The following XKR3 variants were observed in gnomAD, a reference collection of about 807,000 sequenced individuals.
XKR3 encodes the protein XK-related protein 3.
Under a neutral mutation model 40.3 loss-of-function variants are expected in XKR3, and 27 were observed. The ratio of observed to expected loss-of-function variants is 0.67; its 90% CI spans 0.49 to 0.92. The LOEUF (loss-of-function observed/expected upper bound fraction) is 0.92. XKR3 is among the 40% of genes least tolerant of loss of function. The pLI, the probability that XKR3 is intolerant of heterozygous loss-of-function variation, is 0.00. For synonymous variants in XKR3, 193 were observed against 195.4 expected (o/e 0.99, Z 0.10); for missense variants, 472 against 537.6 (o/e 0.88, Z 1.21).
At position 16,819,411 on chromosome 22, in the gene XKR3, A is replaced by G. The variant is rs548895946; in HGVS notation, c.-11+5880T>C. Among the ~76,000 whole-genome samples, 65 of 152,286 alleles carry G rather than the reference A, an allele frequency of 4.3e-4. No homozygotes were observed. In the Middle Eastern group the frequency reaches 0.01, roughly 24 times the overall value. On this transcript the variant is annotated intron_variant, in intron 1 of 3. Coordinates refer to ENST00000684488, the MANE Select transcript of XKR3 (RefSeq NM_001386955.1). ...CAGTGTGGTATTTGCCTAGGGATAG[A>G]TTCATAAAAAATGTAGAAAAGGAAG...
intron 3 of XKR3, among the ~76,000 whole-genome samples, chr22:16,787,936 G>A (rs949463560): frequency 1.3e-5 from 2 of 152,114 alleles, no homozygotes. Context: ...AGATCATGCA[G>A]ACAGAAAATC....
At chr22:16,804,451 C>T (rs548155051) in intron 2 of XKR3, among the ~76,000 whole-genome samples, 2 of 152,054 alleles carry the variant, frequency 1.3e-5, no homozygotes, top group South Asian at 4.1e-4. Flanking sequence ...CAAAGCTGTC[C>T]TATGTGGGGG....
chr22:16,787,217 A>G (rs2060094372), intron 3 of XKR3, among the ~76,000 whole-genome samples: 1 of 152,190 alleles, frequency 6.6e-6, no homozygotes, highest in Non-Finnish European at 1.5e-5. Flanking sequence ...TAGAAAGTTC[A>G]TAGGATTTAT....
intron 1 of XKR3, among the ~76,000 whole-genome samples, chr22:16,810,242 T>C (rs1227286612): frequency 6.6e-6 from 1 of 152,204 alleles, no homozygotes; most frequent in Non-Finnish European, 1.5e-5. Context: ...TCGAGTTTAA[T>C]AGGCAATTTG....
chr22:16,786,145 C>T (rs1222455716), intron 3 of XKR3, among the ~76,000 whole-genome samples: 1 of 152,024 alleles, frequency 6.6e-6, no homozygotes, highest in East Asian at 1.9e-4. Context: ...GGTATGGTGA[C>T]TCATACCTGT....
intron 2 of XKR3, among the ~76,000 whole-genome samples, chr22:16,803,796 T>C (rs1169624166): frequency 6.6e-6 from 1 of 152,210 alleles, no homozygotes; most frequent in South Asian, 2.1e-4. Context: ...ATCCACCCCT[T>C]GTTTAGCATA....
At chr22:16,798,128 C>G (rs1169019044) in intron 3 of XKR3, among the ~76,000 whole-genome samples, 1 of 135,436 alleles carries the variant, frequency 7.4e-6, no homozygotes, top group Non-Finnish European at 1.6e-5. Context: ...TGCAGTGGGT[C>G]AAAATCATGC....
At chr22:16,793,949 C>T (rs1049119794) in intron 3 of XKR3, among the ~76,000 whole-genome samples, 15 of 152,260 alleles carry the variant, frequency 9.9e-5, no homozygotes, top group African/African-American at 3.6e-4. Flanking sequence ...GAAAGAATTT[C>T]AGAGCTCCAA....
At chr22:16,809,023 T>C (rs1306895521) in intron 1 of XKR3, among the ~76,000 whole-genome samples, 1 of 152,124 alleles carries the variant, frequency 6.6e-6, no homozygotes. Flanking sequence ...TTTAAAAACA[T>C]ATTAATGGGA....
intron 2 of XKR3, among the ~76,000 whole-genome samples, chr22:16,805,866 A>G (rs1282752066): frequency 3.9e-5 from 6 of 152,304 alleles, no homozygotes; most frequent in African/African-American, 1.4e-4. Context: ...ATGAAATTTT[A>G]TTCATTCGCA....
Position 16,799,815 on chromosome 22 carries a change from T to A in XKR3, c.545A>T (p.Gln182Leu), listed in dbSNP as rs2060159745. The A allele has an allele frequency of 6.2e-7, 1 of 1,614,004 alleles. No homozygotes were observed. Among genetic ancestry groups the A allele is most frequent in the African/African-American group, 1.3e-5 (1 of 74,932 alleles). Reference sequence around the variant, plus strand: ...TCGTATAGTGAGACTGATATACATCTGCAAAATTAATTGTGGAACAGAACC... The same window carrying A: ...TCGTATAGTGAGACTGATATACATCAGCAAAATTAATTGTGGAACAGAACC... ...FLGSVPQLIL[Q>L]MYISLTIREW... Residue 182 changes from glutamine to leucine, a missense_variant, in exon 3 of 4, where the codon CAG (glutamine) becomes CTG (leucine). Transcript: ENST00000684488.
In XKR3 at chr22:16,783,894, T is replaced by A; in HGVS notation, c.1105A>T (p.Thr369Ser). ...ILVFRFFGGK[T>S]LLNCCDSLIA... ...AATGAGTCACAACAATTCAGCAAAG[T>A]TTTCCCTCCAAAGAACCTAAATACC... Residue 369 changes from threonine to serine, a missense_variant, in exon 4 of 4, where the codon ACT becomes TCT. Physicochemically the swap from Thr to Ser is moderately conservative, Grantham distance 58. Transcript: ENST00000684488. 6.2e-7 allele frequency: 1 copy of A among 1,614,124 alleles called. No homozygotes were observed. The highest frequency in any genetic ancestry group is 8.5e-7 in the Non-Finnish European group (1 of 1,180,026).
chr22:16,814,132 G>T (rs1345170768), intron 1 of XKR3, among the ~76,000 whole-genome samples: 3 of 152,114 alleles, frequency 2.0e-5, no homozygotes, highest in Admixed American at 1.3e-4. Context: ...AAAGATTAAC[G>T]TCTACCTTTT....
intron 2 of XKR3, among the ~76,000 whole-genome samples, chr22:16,804,950 C>T (rs185742621): frequency 6.6e-4 from 100 of 152,266 alleles, no homozygotes; most frequent in African/African-American, 1.9e-3. Context: ...GAATAAATCC[C>T]TTCAAAATAT....
intron 1 of XKR3, among the ~76,000 whole-genome samples, chr22:16,820,116 CTGTT>C (rs2060249641): frequency 6.6e-6 from 1 of 152,140 alleles, no homozygotes; most frequent in Non-Finnish European, 1.5e-5. Context: ...CAGTCCAAAA[CTGTT>C]TGCCATGCAG....
intron 3 of XKR3, 28 bp downstream of exon 3, chr22:16,799,743 T>C (rs1247513512): frequency 1.2e-5 from 19 of 1,611,160 alleles, no homozygotes; most frequent in Non-Finnish European, 1.6e-5. Context: ...CCTTTGTGTG[T>C]CTTTCAGCAT....
Position 16,784,239 on chromosome 22 carries a change from C to A in XKR3, c.760G>T (p.Ala254Ser). Reference protein sequence around the residue: ...LEVISRVVTLAFFIASLKLKS... With the variant: ...LEVISRVVTLSFFIASLKLKS... ...AGTTTCAGAGATGCAATGAAAAATG[C>A]CAGAGTCACTACACGTGAGATAACC... is the stretch of plus-strand genomic sequence containing the variant. Residue 254 changes from alanine (A) to serine (S), a missense_variant, in exon 4 of 4, where the codon GCA becomes TCA. Transcript: ENST00000684488. 1 of 1,614,158 alleles carries A rather than the reference C, an allele frequency of 6.2e-7. No individual in the cohort carries two copies. Among genetic ancestry groups the A allele is most frequent in the Non-Finnish European group, 8.5e-7 (1 of 1,180,026 alleles).
At chr22:16,786,701 G>A (rs1176398439) in intron 3 of XKR3, among the ~76,000 whole-genome samples, 19 of 152,190 alleles carry the variant, frequency 1.2e-4, no homozygotes, top group Non-Finnish European at 2.6e-4. Context: ...CAGGGCTGAA[G>A]CTATCATAGA....
At chr22:16,801,099 C>T (rs2060167029) in intron 2 of XKR3, among the ~76,000 whole-genome samples, 1 of 152,190 alleles carries the variant, frequency 6.6e-6, no homozygotes, top group Non-Finnish European at 1.5e-5. Context: ...ACAAAGCCTA[C>T]ACTTCTGATC....
Sources: gnomAD v4.1 joint callset for allele counts (sites outside exome capture counted in the v4.1 genomes callset) on GRCh38, gnomAD v4.1.1 for gene constraint, MANE v1.5 for transcripts, NCBI Gene and HGNC (gene_info 2026-07-23, HGNC 2026-07-21) for gene names.